The following MEI4 variants were observed in gnomAD, a reference collection of about 807,000 sequenced individuals.
MEI4 encodes meiotic double-stranded break formation protein 4, also known as meiosis-specific protein MEI4.
Under a neutral mutation model 31.4 loss-of-function variants are expected in MEI4, and 27 were observed. That is an observed-to-expected ratio of 0.86 (90% CI 0.63 to 1.19). MEI4 has a LOEUF of 1.19. Among genes scored for constraint, MEI4 ranks in the 50% most tolerant of loss-of-function variants. MEI4 has a pLI of 0.00. For missense variants in MEI4, 329 were observed against 398.9 expected, an observed-to-expected ratio of 0.82 and a Z score of 1.49; for synonymous variants, 122 against 145.4, an observed-to-expected ratio of 0.84 and a Z score of 1.16.
chr6:77,880,569 A>C (rs1771460173), intron 4 of MEI4, among the ~76,000 whole-genome samples: 1 of 152,226 alleles, frequency 6.6e-6, no homozygotes, highest in Admixed American at 6.5e-5. Context: ...CAAAGTCTTA[A>C]GTTAAACATA....
chr6:77,869,328 CCCTAATCCCCAATA>C (rs1771139304), intron 4 of MEI4, among the ~76,000 whole-genome samples: 1 of 152,072 alleles, frequency 6.6e-6, no homozygotes, highest in African/African-American at 2.4e-5. Flanking sequence ...TATGTCGAAG[CCCTAATCCCCAATA>C]CTATAGAATG....
intron 2 of MEI4, among the ~76,000 whole-genome samples, chr6:77,701,737 AAATC>A (rs1766228572): frequency 6.6e-6 from 1 of 152,148 alleles, no homozygotes; most frequent in Admixed American, 6.5e-5. Context: ...AAGTAAGAAA[AAATC>A]AAACTAAATT....
intron 4 of MEI4, among the ~76,000 whole-genome samples, chr6:77,876,502 G>A (rs1042855858): frequency 1.3e-5 from 2 of 151,946 alleles, no homozygotes; most frequent in African/African-American, 4.8e-5. Flanking sequence ...CCAGAATCAT[G>A]AGTCAAAAAA....
intron 2 of MEI4, among the ~76,000 whole-genome samples, chr6:77,706,014 G>A (rs1766323636): frequency 6.6e-6 from 1 of 152,110 alleles, no homozygotes; most frequent in Non-Finnish European, 1.5e-5. Flanking sequence ...TTCGAACTGA[G>A]GAACACGAAG....
intron 2 of MEI4, among the ~76,000 whole-genome samples, chr6:77,746,428 C>T (rs966915321): frequency 1.3e-5 from 2 of 152,122 alleles, no homozygotes; most frequent in Non-Finnish European, 2.9e-5. Context: ...GGGGACTCCT[C>T]TTGCTCGAAT....
rs146636484 is a variant in MEI4 at position 77,684,491 on chromosome 6, C to T, written c.-14-6167C>T. On this transcript the variant is annotated intron_variant, in intron 1 of 4. Coordinates refer to ENST00000684080, the MANE Select transcript of MEI4 (RefSeq NM_001322247.2). ...ACCCGTTACCTATCCCCACCTTTCCCCAGGTCCCCCACTACCCTTCGCAGC... is the reference window on the plus strand; with the variant it reads ...ACCCGTTACCTATCCCCACCTTTCCTCAGGTCCCCCACTACCCTTCGCAGC... Among the ~76,000 whole-genome samples, 208 of 152,114 alleles carry T rather than the reference C, an allele frequency of 1.4e-3. 1 individual carries two copies. Among genetic ancestry groups the T allele is most frequent in the African/African-American group, 4.4e-3 (183 of 41,502 alleles).
intron 2 of MEI4, among the ~76,000 whole-genome samples, chr6:77,696,974 T>G (rs985219877): frequency 6.6e-6 from 1 of 152,224 alleles, no homozygotes; most frequent in Non-Finnish European, 1.5e-5. Context: ...GAGATTCAAC[T>G]TCTTCTTGGT....
chr6:77,834,284 G>C (rs1480206062), intron 4 of MEI4, among the ~76,000 whole-genome samples: 1 of 150,468 alleles, frequency 6.6e-6, no homozygotes, highest in Non-Finnish European at 1.5e-5. Context: ...ATAAGTTTAA[G>C]GTATTTCTGT....
rs969496923 is a variant in MEI4 at position 77,924,475 on chromosome 6, T to A, written c.*1129T>A. The A allele has an allele frequency of 6.6e-6, 1 of 151,440 alleles. No homozygotes were observed. The highest frequency in any genetic ancestry group is 2.4e-5 in the African/African-American group (1 of 41,038). The allele number at this position is 151,440 out of a possible 1,614,324, so 9.4% of individuals were successfully genotyped here. On this transcript the variant is annotated 3_prime_UTR_variant, in exon 5 of 5. Transcript: ENST00000684080. ...CTTTTGTTATGTGACAGATAGATAA[T>A]CAATCACAAAATATCTATCAGTGGC... is the stretch of plus-strand genomic sequence containing the variant.
chr6:77,716,259 A>T lies in MEI4; in HGVS notation c.232+25356A>T, dbSNP rs775741764. ...ATCAGAGATGGCCTTCTTGAAGAGAAGCATTTAAATTAAAATCTGAAGATT... is the reference window on the plus strand; with the variant it reads ...ATCAGAGATGGCCTTCTTGAAGAGATGCATTTAAATTAAAATCTGAAGATT... On this transcript the variant is annotated intron_variant, in intron 2 of 4. Transcript: ENST00000684080. 2.6e-5 allele frequency among the ~76,000 whole-genome samples: 4 copies of T among 152,210 alleles called. No homozygotes were observed. The South Asian group carries it at 8.3e-4, about 32-fold the overall frequency.
rs150388482 is a variant in MEI4, at chr6:77,661,535, C to T, written c.-15+8443C>T. Among the ~76,000 whole-genome samples, 1,035 of 152,172 alleles carry T rather than the reference C, an allele frequency of 6.8e-3. 8 individuals carry two copies. The highest frequency in any genetic ancestry group is 0.023 in the African/African-American group (975 of 41,504). ...CCAGTCCTGGGCAGGGGCAAATCTC[C>T]GAGCTTGATGTGTAGGAATGGGAGG... On this transcript the variant is annotated intron_variant, in intron 1 of 4. Transcript: ENST00000684080.
At chr6:77,753,494 GA>G (rs1463024683) in intron 2 of MEI4, among the ~76,000 whole-genome samples, 8 of 152,126 alleles carry the variant, frequency 5.3e-5, no homozygotes, top group Admixed American at 3.9e-4. Context: ...ACAAACGTAT[GA>G]AAAAAAGCTC....
chr6:77,695,207 G>T (rs1045363380), intron 2 of MEI4, among the ~76,000 whole-genome samples: 5 of 151,968 alleles, frequency 3.3e-5, no homozygotes, highest in African/African-American at 9.7e-5. Flanking sequence ...CTCCCATTTT[G>T]TAGGTTGCCT....
At position 77,887,559 on chromosome 6, in the gene MEI4, A is replaced by T. The variant is rs143692255; in HGVS notation, c.901-35530A>T. On this transcript the variant is annotated intron_variant, in intron 4 of 4. Coordinates refer to ENST00000684080, the MANE Select transcript of MEI4 (RefSeq NM_001322247.2). ...TGATCCACCCCCCTCAGCCTCCCAA[A>T]GTGCTGGGATTACAGGCGACAGCCA... is the stretch of plus-strand genomic sequence containing the variant. Among the ~76,000 whole-genome samples the T allele has an allele frequency of 1.6e-3, 242 of 152,202 alleles. 2 individuals carry two copies. The East Asian group carries it at 0.033, about 21-fold the overall frequency.
chr6:77,736,272 C>G (rs1767211409), intron 2 of MEI4, among the ~76,000 whole-genome samples: 1 of 151,958 alleles, frequency 6.6e-6, no homozygotes, highest in African/African-American at 2.4e-5. Flanking sequence ...GAGGGCTGTG[C>G]TAGCAATCAG....
intron 3 of MEI4, among the ~76,000 whole-genome samples, chr6:77,770,957 G>C (rs1768299748): frequency 6.6e-6 from 1 of 152,026 alleles, no homozygotes; most frequent in South Asian, 2.1e-4. Flanking sequence ...TTAAACTTTA[G>C]AGCTTTTGCA....
intron 4 of MEI4, among the ~76,000 whole-genome samples, chr6:77,902,046 T>G (rs1318452026): frequency 6.6e-6 from 1 of 152,128 alleles, no homozygotes; most frequent in Non-Finnish European, 1.5e-5. Context: ...GTTCACTGTT[T>G]TCTGATCCAC....
chr6:77,807,933 C>T (rs995715344), intron 3 of MEI4, among the ~76,000 whole-genome samples: 5 of 152,152 alleles, frequency 3.3e-5, no homozygotes, highest in Non-Finnish European at 7.4e-5. Context: ...TCGACCATTG[C>T]ATCTTTTTGA....
intron 3 of MEI4, among the ~76,000 whole-genome samples, chr6:77,788,433 C>A (rs1034256660): frequency 6.6e-6 from 1 of 152,146 alleles, no homozygotes; most frequent in South Asian, 2.1e-4. Flanking sequence ...AAATAAAGGG[C>A]ATTCAATTAG....
Sources: allele counts gnomAD v4.1 joint callset (sites outside exome capture counted in the v4.1 genomes callset), GRCh38; gene constraint gnomAD v4.1.1; transcripts MANE v1.5; gene names NCBI Gene and HGNC (gene_info 2026-07-23, HGNC 2026-07-21).